SLC6A5: variants seen among roughly 807,000 people sequenced by gnomAD.
SLC6A5 encodes the protein sodium- and chloride-dependent glycine transporter 2.
Under a neutral mutation model 90.5 loss-of-function variants are expected in SLC6A5, and 58 were observed. The observed-to-expected ratio is 0.64, with a 90% confidence interval of 0.52 to 0.80. The LOEUF (loss-of-function observed/expected upper bound fraction) is 0.80. Ranked by LOEUF, SLC6A5 falls within the 30% of genes least tolerant of loss-of-function variation. The pLI is 0.00. For missense variants in SLC6A5, 1,015 were observed against 1,017.6 expected, an observed-to-expected ratio of 1.00 and a Z score of 0.03; for synonymous variants, 427 against 401.4, an observed-to-expected ratio of 1.06 and a Z score of -0.76.
chr11:20,636,335 G>A lies in SLC6A5; in HGVS notation c.1653G>A (p.Pro551=), dbSNP rs200961564. 3.0e-5 allele frequency: 49 copies of A among 1,613,536 alleles called. No homozygotes were observed. Among genetic ancestry groups the A allele is most frequent in the East Asian group, 8.9e-5 (4 of 44,878 alleles). Residue 551 remains proline (P), a synonymous_variant, in exon 11 of 16, where the codon CCG becomes CCA. Coordinates refer to ENST00000525748, the MANE Select transcript of SLC6A5 (RefSeq NM_004211.5). ...QGPGIAFVVY[P]EALTRLPLSP... ...CAGGCATTGCATTTGTGGTTTACCC[G>A]GAAGCCTTAACCAGGCTGCCTCTCT...
intron 8 of SLC6A5, among the ~76,000 whole-genome samples, chr11:20,627,637 A>G (rs893213861): frequency 5.3e-5 from 8 of 152,150 alleles, no homozygotes; most frequent in East Asian, 1.9e-4. Context: ...ATCCGTTGTT[A>G]TATTTTTCTG....
chr11:20,652,416 T>G lies in SLC6A5; in HGVS notation c.2198T>G (p.Phe733Cys). 1 of 1,614,176 alleles carries G rather than the reference T, an allele frequency of 6.2e-7. No homozygotes were observed. The highest frequency in any genetic ancestry group is 8.5e-7 in the Non-Finnish European group (1 of 1,180,014). The change falls in exon 15 of 16, where the codon TTT becomes TGT. Residue 733 changes from phenylalanine (F) to cysteine (C), a missense_variant. Phe to Cys is a radical substitution (Grantham distance 205). Around this residue, in one of 3 missense-constraint regions of SLC6A5, gnomAD observed 442 missense variants for 494.3 expected, o/e 0.89. Coordinates refer to ENST00000525748, the MANE Select transcript of SLC6A5 (RefSeq NM_004211.5). ...ACSVIWIPIM[F>C]VIKMHLAPGR... ...TCCGTCATCTGGATCCCAATTATGT[T>G]TGTGATAAAAATGCATCTGGCCCCT...
At chr11:20,605,688 C>T (rs980781115) in intron 3 of SLC6A5, among the ~76,000 whole-genome samples, 1 of 152,222 alleles carries the variant, frequency 6.6e-6, no homozygotes, top group East Asian at 1.9e-4. Flanking sequence ...GCGCTTTGCC[C>T]GCCCGGGATC....
chr11:20,624,314 C>T (rs1419809734), intron 7 of SLC6A5, among the ~76,000 whole-genome samples: 2 of 151,860 alleles, frequency 1.3e-5, no homozygotes, highest in Admixed American at 6.6e-5. Flanking sequence ...CCACCATGCC[C>T]GGTTAATTTT....
chr11:20,619,413 A>G (rs922136967), intron 7 of SLC6A5, among the ~76,000 whole-genome samples: 3 of 152,186 alleles, frequency 2.0e-5, no homozygotes, highest in African/African-American at 7.2e-5. Context: ...TGAGTGGTGG[A>G]TTCTGGCAGG....
chr11:20,627,031 C>T (rs1281819554), intron 8 of SLC6A5, among the ~76,000 whole-genome samples, 189 bp downstream of exon 8: 1 of 152,104 alleles, frequency 6.6e-6, no homozygotes, highest in Non-Finnish European at 1.5e-5. Flanking sequence ...TTTTAGATTC[C>T]TGGAATAGTT....
chr11:20,606,078 C>T (rs1007427470), intron 3 of SLC6A5, among the ~76,000 whole-genome samples: 2 of 152,258 alleles, frequency 1.3e-5, no homozygotes, highest in Admixed American at 1.3e-4. Flanking sequence ...CACCTTGACT[C>T]TGGCCCATGC....
intron 2 of SLC6A5, among the ~76,000 whole-genome samples, chr11:20,603,924 T>A (rs1295877916): frequency 1.3e-5 from 2 of 151,448 alleles, no homozygotes; most frequent in Admixed American, 6.6e-5. Flanking sequence ...GGTAAGGGGT[T>A]GGGGATGGAG....
chr11:20,640,919 G>A (rs1024440890), intron 13 of SLC6A5, among the ~76,000 whole-genome samples: 1 of 152,052 alleles, frequency 6.6e-6, no homozygotes, highest in Non-Finnish European at 1.5e-5. Context: ...AGACATTTGT[G>A]TTTTCTTCTT....
intron 2 of SLC6A5, among the ~76,000 whole-genome samples, chr11:20,602,918 C>CCGCACTG (rs1238149194): frequency 1.3e-5 from 2 of 152,222 alleles, no homozygotes; most frequent in Non-Finnish European, 2.9e-5. Flanking sequence ...TGCTTAACCT[C>CCGCACTG]CGCACTGCGG....
chr11:20,600,346 AAGAAGAAGAAGAAGAAG>A (rs1565268973), intron 1 of SLC6A5, among the ~76,000 whole-genome samples: 1 of 94,786 alleles, frequency 1.1e-5, no homozygotes, highest in Admixed American at 1.3e-4. Flanking sequence ...GAAGAAGAAG[AAGAAGAAGAAGAAGAAG>A]AAGAAGAAGA....
In SLC6A5 at chr11:20,655,366, G is replaced by A. The variant is rs781735707; in HGVS notation, c.*498G>A. The A allele has an allele frequency of 9.9e-6, 2 of 202,030 alleles. No homozygotes were observed. The highest frequency in any genetic ancestry group is 2.0e-5 in the Non-Finnish European group (2 of 97,738). 12.5% of individuals were successfully genotyped at this position (202,030 alleles called of 1,614,324 possible). On this transcript the variant is annotated 3_prime_UTR_variant, in exon 16 of 16. Coordinates refer to ENST00000525748, the MANE Select transcript of SLC6A5 (RefSeq NM_004211.5). Reference sequence around the variant, plus strand: ...AGAGAGTTAGCAGTGGTCAGAAAATGTTTTGGATGTAAGACAAGACCATTC... The same window carrying A: ...AGAGAGTTAGCAGTGGTCAGAAAATATTTTGGATGTAAGACAAGACCATTC...
Position 20,641,055 on chromosome 11 carries a change from A to G in SLC6A5, c.1969+2497A>G, listed in dbSNP as rs200070062. Among the ~76,000 whole-genome samples the G allele has an allele frequency of 5.3e-5, 8 of 152,342 alleles. 1 individual carries two copies. In the East Asian group the frequency reaches 1.2e-3, roughly 22 times the overall value. On this transcript the variant is annotated intron_variant, in intron 13 of 15. Transcript: ENST00000525748. ...GACGTTCTCAAGTCAACATGCCTCAATGGCCAATAGCTGGCTTCGAGGTAT... is the reference window on the plus strand; with the variant it reads ...GACGTTCTCAAGTCAACATGCCTCAGTGGCCAATAGCTGGCTTCGAGGTAT...
At chr11:20,641,939 T>C (rs1331415428) in intron 13 of SLC6A5, among the ~76,000 whole-genome samples, 1 of 152,102 alleles carries the variant, frequency 6.6e-6, no homozygotes, top group East Asian at 1.9e-4. Context: ...CAGAAAATCC[T>C]TGGAGGTGGC....
intron 7 of SLC6A5, 21 bp from the exon 8 acceptor site, chr11:20,626,687 C>T: frequency 6.2e-7 from 1 of 1,613,854 alleles, no homozygotes. Flanking sequence ...CTTCCAGCCC[C>T]TCTGCCCATG....
chr11:20,642,225 C>T (rs540567270), intron 13 of SLC6A5, among the ~76,000 whole-genome samples: 1 of 147,596 alleles, frequency 6.8e-6, no homozygotes, highest in African/African-American at 2.5e-5. Context: ...CAGAGAGGAA[C>T]CACACCTGGC....
intron 13 of SLC6A5, among the ~76,000 whole-genome samples, chr11:20,641,612 T>C (rs1015292774): frequency 2.0e-5 from 3 of 152,196 alleles, no homozygotes; most frequent in Non-Finnish European, 4.4e-5. Context: ...TATGTTTTTA[T>C]CTGAAATGTC....
chr11:20,629,961 G>T (rs1565282215), intron 9 of SLC6A5, among the ~76,000 whole-genome samples: 1 of 152,116 alleles, frequency 6.6e-6, no homozygotes, highest in East Asian at 1.9e-4. Flanking sequence ...GACCTCAGGT[G>T]ATCCACCTGC....
intron 10 of SLC6A5, among the ~76,000 whole-genome samples, chr11:20,633,148 C>T (rs955737291): frequency 1.3e-5 from 2 of 152,112 alleles, no homozygotes; most frequent in Admixed American, 6.5e-5. Flanking sequence ...AGCGGTGACT[C>T]ATGTTCAGAA....
Sources: gnomAD v4.1 joint callset for allele counts (sites outside exome capture counted in the v4.1 genomes callset) on GRCh38, gnomAD v4.1.1 for gene constraint, gnomAD v4.1.1 regional missense constraint, MANE v1.5 for transcripts, NCBI Gene and HGNC (gene_info 2026-07-23, HGNC 2026-07-21) for gene names.